Variants in NUFIP2 observed in about 807,000 individuals in gnomAD.
NUFIP2 encodes the protein nuclear FMR1 interacting protein 2.
In NUFIP2, 6 loss-of-function variants were observed where a neutral mutation model predicts 56.9. The ratio of observed to expected loss-of-function variants is 0.11; its 90% CI spans 0.06 to 0.21. The LOEUF (loss-of-function observed/expected upper bound fraction) is 0.21, where lower values mean the gene tolerates loss of function less well. Among genes scored for constraint, NUFIP2 ranks in the 10% least tolerant of loss-of-function variants. The pLI, the probability that NUFIP2 is intolerant of heterozygous loss-of-function variation, is 1.00. For missense variants in NUFIP2, 828 were observed against 826.8 expected (o/e 1.00, Z -0.02); for synonymous variants, 321 against 298.2 (o/e 1.08, Z -0.79).
chr17:29,292,856 C>G (rs1318899122), intron 1 of NUFIP2, among the ~76,000 whole-genome samples: 1 of 135,704 alleles, frequency 7.4e-6, no homozygotes, highest in Non-Finnish European at 1.6e-5. Context: ...GCGCCGCCAC[C>G]GGGTTACACA....
intron 2 of NUFIP2, among the ~76,000 whole-genome samples, chr17:29,271,395 C>A (rs1162983706): frequency 6.6e-6 from 1 of 151,722 alleles, no homozygotes; most frequent in Non-Finnish European, 1.5e-5. Flanking sequence ...AAATTAGTAA[C>A]GCATGGTGGT....
chr17:29,266,854 T>G (rs1189573501), intron 3 of NUFIP2, among the ~76,000 whole-genome samples: 1 of 151,868 alleles, frequency 6.6e-6, no homozygotes, highest in East Asian at 1.9e-4. Context: ...CCAGTCCTGG[T>G]ATGGTAGTGT....
intron 2 of NUFIP2, among the ~76,000 whole-genome samples, chr17:29,277,690 T>C (rs2069115794): frequency 6.6e-6 from 1 of 152,136 alleles, no homozygotes; most frequent in Admixed American, 6.6e-5. Context: ...CCACCCTTTT[T>C]CAGTTTGACA....
chr17:29,258,143 C>G lies in NUFIP2; in HGVS notation c.*6396G>C, dbSNP rs1284902918. On this transcript the variant is annotated 3_prime_UTR_variant, in exon 4 of 4. Coordinates refer to ENST00000225388, the MANE Select transcript of NUFIP2 (RefSeq NM_020772.3). ...CTGGCCAACAAATATATTAAATAAG[C>G]AAATTAAAATTTTGGCTTTGCGATA... 6.6e-6 allele frequency: 1 copy of G among 151,762 alleles called. No homozygotes were observed. Among genetic ancestry groups the G allele is most frequent in the Non-Finnish European group, 1.5e-5 (1 of 67,932 alleles). The allele number at this position is 151,762 out of a possible 1,614,324, so 9.4% of individuals were successfully genotyped here.
intron 2 of NUFIP2, among the ~76,000 whole-genome samples, chr17:29,277,074 G>C (rs2069112404): frequency 6.6e-6 from 1 of 152,122 alleles, no homozygotes; most frequent in Non-Finnish European, 1.5e-5. Flanking sequence ...GCCCAGACTA[G>C]AGTGCAACAG....
intron 1 of NUFIP2, among the ~76,000 whole-genome samples, chr17:29,293,068 G>A (rs1248001328): frequency 2.0e-5 from 3 of 151,698 alleles, no homozygotes; most frequent in African/African-American, 4.8e-5. Context: ...TGGCGGACAG[G>A]AAGCGGCCCC....
rs10550408 is a variant in NUFIP2 at position 29,259,589 on chromosome 17, TGGG to T, written c.*4947_*4949del. On this transcript the variant is annotated 3_prime_UTR_variant, in exon 4 of 4. Transcript: ENST00000225388. ...ACAGTCCGTCTCAAAAAAAAAAAGG[TGGG>T]GGGGGGGGGGATACTGCAGTATTAT... The T allele has an allele frequency of 0.029, 3,138 of 107,042 alleles. 50 individuals carry two copies. Among genetic ancestry groups the T allele is most frequent in the Middle Eastern group, 0.064 (12 of 188 alleles). The allele number at this position is 107,042 out of a possible 1,614,324, so 6.6% of individuals were successfully genotyped here. A position where few individuals can be genotyped will look rare whatever the true frequency, so the allele number is the denominator to read the frequency against.
rs1443559316 is a variant in NUFIP2 at position 29,256,253 on chromosome 17, T to G, written c.*8286A>C. On this transcript the variant is annotated 3_prime_UTR_variant, in exon 4 of 4. Coordinates refer to ENST00000225388, the MANE Select transcript of NUFIP2 (RefSeq NM_020772.3). ...ATTAAGAGGTAACTCAGCTCCTTAG[T>G]GCCTCTGCACGAGACAGAGAAATTA... 6.6e-6 allele frequency: 1 copy of G among 152,270 alleles called. No individual in the cohort carries two copies. 9.4% of individuals were successfully genotyped at this position (152,270 alleles called of 1,614,324 possible).
intron 2 of NUFIP2, among the ~76,000 whole-genome samples, chr17:29,281,826 A>G (rs919877128): frequency 4.8e-5 from 7 of 145,910 alleles, no homozygotes; most frequent in Non-Finnish European, 7.5e-5. Flanking sequence ...GTGCAGTGGC[A>G]CGATCTCAGC....
At chr17:29,279,812 C>T (rs2069129549) in intron 2 of NUFIP2, among the ~76,000 whole-genome samples, 1 of 152,124 alleles carries the variant, frequency 6.6e-6, no homozygotes, top group Admixed American at 6.6e-5. Flanking sequence ...AGTACCCAGA[C>T]TATTTTTATT....
rs1446471855 is a variant in NUFIP2 at position 29,262,715 on chromosome 17, T to TA, written c.*1823dup. 6.7e-6 allele frequency: 1 copy of TA among 148,346 alleles called. No homozygotes were observed. The highest frequency in any genetic ancestry group is 2.0e-4 in the East Asian group (1 of 5,114). The allele number at this position is 148,346 out of a possible 1,614,324, so 9.2% of individuals were successfully genotyped here. A position where few individuals can be genotyped will look rare whatever the true frequency, so the allele number is the denominator to read the frequency against. On this transcript the variant is annotated 3_prime_UTR_variant, in exon 4 of 4. Transcript: ENST00000225388. Reference sequence around the variant, plus strand: ...CCACAAGTTTCTGAACCTGGACTGATACAATAAGTTATTTTATATATATAT... The same window carrying TA: ...CCACAAGTTTCTGAACCTGGACTGATAACAATAAGTTATTTTATATATATAT...
chr17:29,265,326 G>A (rs1354777828), intron 3 of NUFIP2, among the ~76,000 whole-genome samples: 17 of 141,432 alleles, frequency 1.2e-4, no homozygotes, highest in South Asian at 2.2e-4. Context: ...TTTTTGAGAC[G>A]GAGTCTCGCT....
At chr17:29,268,861 C>G (rs1246869756) in intron 2 of NUFIP2, among the ~76,000 whole-genome samples, 1 of 152,154 alleles carries the variant, frequency 6.6e-6, no homozygotes, top group African/African-American at 2.4e-5. Flanking sequence ...CCTTTAAGGT[C>G]AGAATGCCAA....
intron 1 of NUFIP2, among the ~76,000 whole-genome samples, chr17:29,291,738 G>A (rs1265083451): frequency 1.3e-5 from 2 of 152,116 alleles, no homozygotes; most frequent in Non-Finnish European, 2.9e-5. Flanking sequence ...CTCATCTTTT[G>A]AACAAGATCT....
intron 2 of NUFIP2, among the ~76,000 whole-genome samples, chr17:29,273,558 C>A (rs1333578848): frequency 6.6e-6 from 1 of 152,078 alleles, no homozygotes; most frequent in African/African-American, 2.4e-5. Flanking sequence ...CTTGCCAGTT[C>A]TTTTTGAAGA....
chr17:29,268,089 G>GCA (rs1223398203), intron 2 of NUFIP2, among the ~76,000 whole-genome samples: 2 of 152,086 alleles, frequency 1.3e-5, no homozygotes, highest in African/African-American at 4.8e-5. Context: ...AGTAGAGATG[G>GCA]GGTTTCACCA....
rs778170437 is a variant in NUFIP2, at chr17:29,293,924, GGTGGTTGTGGCT to G, written c.124_135del (p.Ser42_His45del). The stretch of plus-strand genomic sequence containing the variant: ...GGCTGCTGGTGATGATGGTGGTGGT[GGTGGTTGTGGCT>G]GTGGTTGTAGAAATAATAATGGTGG... On this transcript the variant is annotated inframe_deletion, in exon 1 of 4. Coordinates refer to ENST00000225388, the MANE Select transcript of NUFIP2 (RefSeq NM_020772.3). 6.2e-7 allele frequency: 1 copy of G among 1,613,770 alleles called. No individual in the cohort carries two copies. The highest frequency in any genetic ancestry group is 1.7e-5 in the Admixed American group (1 of 59,994).
chr17:29,279,922 G>A (rs1369477354), intron 2 of NUFIP2, among the ~76,000 whole-genome samples: 2 of 152,038 alleles, frequency 1.3e-5, no homozygotes, highest in South Asian at 2.1e-4. Flanking sequence ...AGATTCAAGC[G>A]ATTCTCCCAC....
chr17:29,275,963 G>A (rs920593052), intron 2 of NUFIP2, among the ~76,000 whole-genome samples: 2 of 151,508 alleles, frequency 1.3e-5, no homozygotes, highest in African/African-American at 2.4e-5. Flanking sequence ...AGGAGGCGGA[G>A]GTTGCAGTGA....
Sources: gnomAD v4.1 joint callset for allele counts (sites outside exome capture counted in the v4.1 genomes callset) on GRCh38, gnomAD v4.1.1 for gene constraint, MANE v1.5 for transcripts, NCBI Gene and HGNC (gene_info 2026-07-23, HGNC 2026-07-21) for gene names.